The following C8orf89 variants were observed in gnomAD, a reference collection of about 807,000 sequenced individuals.
C8orf89 encodes putative uncharacterized protein C8orf89.
In C8orf89, 14 loss-of-function variants were observed where a neutral mutation model predicts 15.8. The observed-to-expected ratio is 0.89, with a 90% confidence interval of 0.59 to 1.39. The LOEUF is 1.39. Among genes scored for constraint, C8orf89 ranks in the 40% most tolerant of loss-of-function variants. The pLI is 0.00. For missense variants in C8orf89, 181 were observed against 184.5 expected, an observed-to-expected ratio of 0.98 and a Z score of 0.11; for synonymous variants, 55 against 62.2, an observed-to-expected ratio of 0.88 and a Z score of 0.54.
At chr8:73,275,184 C>T in the C8orf89 span, among the ~76,000 whole-genome samples, 1 of 150,250 alleles carries the variant, frequency 6.7e-6, no homozygotes, top group Admixed American at 6.6e-5. Flanking sequence ...TACCTGTATT[C>T]CCATAATTTT....
At chr8:73,285,199 T>C in the C8orf89 span, among the ~76,000 whole-genome samples, 1 of 152,064 alleles carries the variant, frequency 6.6e-6, no homozygotes, top group Non-Finnish European at 1.5e-5. Context: ...GGAAGGAAAG[T>C]AAACACGTTC....
At chr8:73,261,468 G>A (rs1171288245), upstream of C8orf89, among the ~76,000 whole-genome samples, 1 of 151,978 alleles carries the variant, frequency 6.6e-6, no homozygotes, top group Non-Finnish European at 1.5e-5. Context: ...AGAAGGGGAG[G>A]GAAGAGAGGA....
At chr8:73,252,008 T>C (rs1270427634) in intron 2 of C8orf89, among the ~76,000 whole-genome samples, 1 of 152,196 alleles carries the variant, frequency 6.6e-6, no homozygotes, top group Non-Finnish European at 1.5e-5. Flanking sequence ...GGTCCCTCTT[T>C]TTTCTGCATC....
chr8:73,245,362 G>A (rs1813102951), intron 3 of C8orf89, among the ~76,000 whole-genome samples: 1 of 152,196 alleles, frequency 6.6e-6, no homozygotes, highest in Non-Finnish European at 1.5e-5. Flanking sequence ...CAAAAGTTGT[G>A]TAATGGAGCA....
the C8orf89 span, among the ~76,000 whole-genome samples, chr8:73,275,451 G>A: frequency 6.6e-6 from 1 of 151,556 alleles, no homozygotes; most frequent in East Asian, 1.9e-4. Context: ...TCGGCCAGGC[G>A]GGTCTCAAAC....
the C8orf89 span, among the ~76,000 whole-genome samples, chr8:73,278,617 T>C: frequency 6.6e-6 from 1 of 152,224 alleles, no homozygotes. Context: ...AAATTATTTT[T>C]CCAAAAATGT....
At chr8:73,257,795 AT>A (rs1336483265) in intron 1 of C8orf89, among the ~76,000 whole-genome samples, 1 of 152,318 alleles carries the variant, frequency 6.6e-6, no homozygotes, top group South Asian at 2.1e-4. Flanking sequence ...AACATAGAGA[AT>A]TTTTTTGAAA....
At chr8:73,268,187 G>C in the C8orf89 span, among the ~76,000 whole-genome samples, 1 of 152,168 alleles carries the variant, frequency 6.6e-6, no homozygotes, top group Admixed American at 6.5e-5. Context: ...AGAGATTTAA[G>C]AAACATAGCA....
At chr8:73,277,720 A>AG in the C8orf89 span, 2 of 749,574 alleles carry the variant, frequency 2.7e-6, no homozygotes, top group East Asian at 5.1e-5. Flanking sequence ...CACTGCATAG[A>AG]GGGGGACACC....
At chr8:73,273,249 C>A in the C8orf89 span, among the ~76,000 whole-genome samples, 4 of 152,128 alleles carry the variant, frequency 2.6e-5, no homozygotes, top group African/African-American at 7.2e-5. Flanking sequence ...GCTGCAGCCA[C>A]CCAGCCATGG....
At chr8:73,263,100 C>T (rs188008381), upstream of C8orf89, among the ~76,000 whole-genome samples, 81 of 152,250 alleles carry the variant, frequency 5.3e-4, 1 homozygote, top group African/African-American at 1.8e-3. Flanking sequence ...TGAAAAAATG[C>T]TTTCTCAAAT....
At chr8:73,279,224 G>T in the C8orf89 span, among the ~76,000 whole-genome samples, 1 of 152,076 alleles carries the variant, frequency 6.6e-6, no homozygotes, top group Non-Finnish European at 1.5e-5. Context: ...TGTAATCTTT[G>T]CAAACTCATC....
At chr8:73,280,232 A>G in the C8orf89 span, among the ~76,000 whole-genome samples, 2 of 152,194 alleles carry the variant, frequency 1.3e-5, no homozygotes, top group Non-Finnish European at 2.9e-5. Flanking sequence ...TAGCTTAGCC[A>G]CATTTCCATA....
At chr8:73,244,499 GAAATATTTCTATTTAAAAAC>G (rs2130245317) in intron 3 of C8orf89, among the ~76,000 whole-genome samples, 1 of 152,180 alleles carries the variant, frequency 6.6e-6, no homozygotes, top group African/African-American at 2.4e-5. Context: ...CAAATATGTA[GAAATATTTCTATTTAAAAAC>G]ATATATGCAG....
Position 73,253,583 on chromosome 8 carries a change from C to A in C8orf89, c.282-3260G>T, listed in dbSNP as rs565214341. On this transcript the variant is annotated intron_variant, in intron 2 of 3. Coordinates refer to ENST00000624510, the MANE Select transcript of C8orf89 (RefSeq NM_001243237.3). ...CTACCCATGAGCATGGAATGTTCTT[C>A]CATTTGTTTGTATCCTCTTTTATTT... 1.1e-4 allele frequency among the ~76,000 whole-genome samples: 16 copies of A among 151,642 alleles called. No homozygotes were observed. In the South Asian group the frequency reaches 3.3e-3, roughly 32 times the overall value.
At chr8:73,248,785 G>A (rs1813183865) in intron 3 of C8orf89, among the ~76,000 whole-genome samples, 1 of 152,144 alleles carries the variant, frequency 6.6e-6, no homozygotes, top group South Asian at 2.1e-4. Flanking sequence ...TTTGCACGTT[G>A]ATTTTGTATC....
At chr8:73,277,498 A>G in the C8orf89 span, 11 of 814,494 alleles carry the variant, frequency 1.4e-5, no homozygotes, top group Non-Finnish European at 2.1e-5. Context: ...TGCCACCACG[A>G]AAACTTCCCT....
chr8:73,250,823 A>C (rs1813230301), intron 2 of C8orf89, among the ~76,000 whole-genome samples: 1 of 151,834 alleles, frequency 6.6e-6, no homozygotes, highest in Non-Finnish European at 1.5e-5. Flanking sequence ...TTTTTTTTTG[A>C]GACAAGGTCT....
chr8:73,247,824 T>C (rs1301113532), intron 3 of C8orf89, among the ~76,000 whole-genome samples: 1 of 152,220 alleles, frequency 6.6e-6, no homozygotes, highest in Non-Finnish European at 1.5e-5. Context: ...AAATTCCTTA[T>C]AGATGCTGGA....
Sources: gnomAD v4.1 joint callset for allele counts (sites outside exome capture counted in the v4.1 genomes callset) on GRCh38, gnomAD v4.1.1 for gene constraint, MANE v1.5 for transcripts, NCBI Gene and HGNC (gene_info 2026-07-23, HGNC 2026-07-21) for gene names.